The following AOPEP variants were observed in gnomAD, a reference collection of about 807,000 sequenced individuals.
AOPEP encodes aminopeptidase O (putative), also known as aminopeptidase O.
AOPEP carries 77 observed loss-of-function variants against 98.1 expected under a neutral mutation model. That is an observed-to-expected ratio of 0.78 (90% CI 0.65 to 0.95). AOPEP has a LOEUF of 0.95. Among genes scored for constraint, AOPEP ranks in the 40% least tolerant of loss-of-function variants. AOPEP has a pLI of 0.00. For synonymous variants in AOPEP, 346 were observed against 365.3 expected, an observed-to-expected ratio of 0.95 and a Z score of 0.60; for missense variants, 1,024 against 1,024.7, an observed-to-expected ratio of 1.00 and a Z score of 0.01.
chr9:94,961,812 C>T (rs971255189), intron 9 of AOPEP, among the ~76,000 whole-genome samples: 1 of 151,986 alleles, frequency 6.6e-6, no homozygotes, highest in Non-Finnish European at 1.5e-5. Context: ...ATGTGTTATG[C>T]TGCTTTCTTT....
chr9:94,832,867 A>G (rs1032182733), intron 5 of AOPEP, among the ~76,000 whole-genome samples: 48 of 147,346 alleles, frequency 3.3e-4, no homozygotes, highest in African/African-American at 1.2e-3. Context: ...AAAGCGGGGG[A>G]AAAGGTCGGG....
intron 1 of AOPEP, among the ~76,000 whole-genome samples, chr9:94,745,764 G>T (rs1440151823): frequency 6.6e-6 from 1 of 152,058 alleles, no homozygotes; most frequent in Non-Finnish European, 1.5e-5. Flanking sequence ...TTATCTGTTA[G>T]TCTGTTAATG....
intron 3 of AOPEP, among the ~76,000 whole-genome samples, chr9:94,788,185 C>G (rs1259072580): frequency 6.6e-6 from 1 of 152,056 alleles, no homozygotes; most frequent in Non-Finnish European, 1.5e-5. Context: ...ATCCTCCTAC[C>G]TCAGCCTCCC....
intron 5 of AOPEP, among the ~76,000 whole-genome samples, chr9:94,829,705 A>C (rs1056571751): frequency 2.0e-5 from 3 of 152,176 alleles, no homozygotes; most frequent in Admixed American, 2.0e-4. Flanking sequence ...CACCCTGGCC[A>C]CATGTCAGAT....
intron 7 of AOPEP, among the ~76,000 whole-genome samples, chr9:94,946,530 T>TC (rs2057650068): frequency 1.3e-5 from 2 of 152,144 alleles, no homozygotes; most frequent in Non-Finnish European, 2.9e-5. Flanking sequence ...AGATTTCCTG[T>TC]AGGAAGAGCC....
intron 5 of AOPEP, among the ~76,000 whole-genome samples, chr9:94,841,911 C>T (rs998868636): frequency 2.6e-5 from 4 of 151,944 alleles, no homozygotes; most frequent in Non-Finnish European, 2.9e-5. Flanking sequence ...AAATTAGCTG[C>T]GTGTGGTGGC....
chr9:94,965,477 G>A (rs530704363), intron 9 of AOPEP, among the ~76,000 whole-genome samples: 1 of 152,364 alleles, frequency 6.6e-6, no homozygotes, highest in East Asian at 1.9e-4. Flanking sequence ...CTTCACTAGT[G>A]TAGTGGTAGC....
intron 5 of AOPEP, among the ~76,000 whole-genome samples, chr9:94,836,899 T>C (rs1468881174): frequency 6.7e-6 from 1 of 149,482 alleles, no homozygotes; most frequent in Non-Finnish European, 1.5e-5. Flanking sequence ...AGTTCAAGGT[T>C]CATTTTTTTT....
At position 95,086,674 on chromosome 9, in the gene AOPEP, C is replaced by G. The variant is rs1325046013; in HGVS notation, c.*5-8C>G. ...GGGTAATCAATGTTACTGCTGTTTC[C>G]TTTGCAGGAAAGACCACAGCAAGAT... On this transcript the variant is annotated splice_polypyrimidine_tract_variant and splice_region_variant and intron_variant, in intron 16 of 16. Transcript: ENST00000375315. 2.7e-5 allele frequency: 27 copies of G among 988,216 alleles called. 1 individual carries two copies. In the African/African-American group the frequency reaches 4.4e-4, roughly 16 times the overall value. 61.2% of individuals were successfully genotyped at this position (988,216 alleles called of 1,614,324 possible).
chr9:94,956,000 G>C lies in AOPEP; in HGVS notation c.1857G>C (p.Gln619His), dbSNP rs760086258. 6.2e-7 allele frequency: 1 copy of C among 1,610,456 alleles called. No individual in the cohort carries two copies. The change falls in exon 9 of 17, where the codon CAG (glutamine) becomes CAC (histidine). Residue 619 changes from glutamine to histidine, a missense_variant. Gln to His is a conservative substitution (Grantham distance 24). Around this residue, in one of 3 missense-constraint regions of AOPEP, gnomAD observed 566 missense variants for 551.7 expected, o/e 1.03. Transcript: ENST00000375315. ...LRKFVHTFHG[Q>H]LILSQDFLQM... Reference sequence around the variant, plus strand: ...AATTTGTGCACACATTTCATGGACAGCTGATTCTTTCCCAGGTAACTTATG... The same window carrying C: ...AATTTGTGCACACATTTCATGGACACCTGATTCTTTCCCAGGTAACTTATG...
At position 94,907,859 on chromosome 9, in the gene AOPEP, C is replaced by T. The variant is rs763717227; in HGVS notation, c.1365-16127C>T. Among the ~76,000 whole-genome samples the T allele has an allele frequency of 2.4e-4, 37 of 152,196 alleles. 1 individual carries two copies. Among genetic ancestry groups the T allele is most frequent in the Non-Finnish European group, 4.7e-4 (32 of 68,032 alleles). On this transcript the variant is annotated intron_variant, in intron 5 of 16. Transcript: ENST00000375315. Reference sequence around the variant, plus strand: ...AAGGGCAAGATTAGTCCCCAGTCTTCGCTGGGCCTCTTTCCTCATTTGCTC... The same window carrying T: ...AAGGGCAAGATTAGTCCCCAGTCTTTGCTGGGCCTCTTTCCTCATTTGCTC...
intron 5 of AOPEP, among the ~76,000 whole-genome samples, chr9:94,912,459 G>C (rs1243959875): frequency 1.3e-5 from 2 of 152,148 alleles, no homozygotes; most frequent in African/African-American, 4.8e-5. Context: ...TTCAGTGTGA[G>C]TTGAGTGCGT....
Position 94,930,324 on chromosome 9 carries a change from G to C in AOPEP, c.1661+1793G>C, listed in dbSNP as rs953963124. Among the ~76,000 whole-genome samples, 3 of 152,232 alleles carry C rather than the reference G, an allele frequency of 2.0e-5. No homozygotes were observed. Among genetic ancestry groups the C allele is most frequent in the Non-Finnish European group, 2.9e-5 (2 of 68,042 alleles). On this transcript the variant is annotated intron_variant, in intron 7 of 16. Coordinates refer to ENST00000375315, the MANE Select transcript of AOPEP (RefSeq NM_001193329.3). This position sits in a 1 kb window ranked among gnomAD's most constrained non-coding sequence, Gnocchi z 4.5. ...GGTTTTTGAGTTGGACAGTTGGGTA[G>C]ATGGTGATCCCATTTGTGTGATGGT...
At chr9:94,758,492 T>C (rs1342475575) in intron 1 of AOPEP, among the ~76,000 whole-genome samples, 1 of 152,006 alleles carries the variant, frequency 6.6e-6, no homozygotes, top group Non-Finnish European at 1.5e-5. Flanking sequence ...AATAAAAGGG[T>C]CTAGTAGAGA....
chr9:94,734,667 A>G (rs1245064771), intron 1 of AOPEP, among the ~76,000 whole-genome samples: 1 of 152,222 alleles, frequency 6.6e-6, no homozygotes, highest in Non-Finnish European at 1.5e-5. Context: ...CTGGACCAGC[A>G]TATTAATATT....
chr9:94,907,401 T>C (rs544083574), intron 5 of AOPEP, among the ~76,000 whole-genome samples: 6 of 152,202 alleles, frequency 3.9e-5, no homozygotes, highest in African/African-American at 7.2e-5. Context: ...AGCTGCCATG[T>C]TTCAAGGAGA....
At chr9:94,895,496 G>T (rs935665163) in intron 5 of AOPEP, among the ~76,000 whole-genome samples, 9 of 149,406 alleles carry the variant, frequency 6.0e-5, no homozygotes, top group Admixed American at 3.3e-4. Context: ...ATTAAAACAA[G>T]ACAAGGTACC....
intron 2 of AOPEP, among the ~76,000 whole-genome samples, chr9:94,770,477 G>C (rs944252413): frequency 5.3e-5 from 8 of 152,178 alleles, no homozygotes; most frequent in Non-Finnish European, 1.2e-4. Context: ...GGTGTCTCAA[G>C]GTGTGCCAGG....
intron 5 of AOPEP, among the ~76,000 whole-genome samples, chr9:94,872,891 G>A (rs2046505605): frequency 6.6e-6 from 1 of 152,188 alleles, no homozygotes; most frequent in Non-Finnish European, 1.5e-5. Flanking sequence ...GGCATCCAGA[G>A]AGCTTTCTCA....
Sources: allele counts gnomAD v4.1 joint callset (sites outside exome capture counted in the v4.1 genomes callset), GRCh38; gene constraint gnomAD v4.1.1; regional missense constraint gnomAD v4.1.1; non-coding constraint Gnocchi (gnomAD v3.1); transcripts MANE v1.5; gene names NCBI Gene and HGNC (gene_info 2026-07-23, HGNC 2026-07-21).